Variants in OASL observed in about 807,000 individuals in gnomAD.
OASL encodes 2'-5'-oligoadenylate synthase-like protein.
A neutral mutation model predicts 35.3 loss-of-function variants in OASL; 28 were observed. That is an observed-to-expected ratio of 0.79 (90% CI 0.59 to 1.09). OASL has a LOEUF of 1.09. Among genes scored for constraint, OASL ranks in the 50% least tolerant of loss-of-function variants. The pLI is 0.00. For synonymous variants in OASL, 252 were observed against 254.6 expected (o/e 0.99, Z 0.10); for missense variants, 620 against 635.2 (o/e 0.98, Z 0.26).
At chr12:121,036,416 G>A (rs2135917741) in intron 1 of OASL, among the ~76,000 whole-genome samples, 1 of 152,294 alleles carries the variant, frequency 6.6e-6, no homozygotes, top group Middle Eastern at 3.4e-3. Context: ...ACCATTTAGT[G>A]GTTTCAAGAG....
At chr12:121,033,968 C>G (rs1217325749) in intron 1 of OASL, among the ~76,000 whole-genome samples, 1 of 152,118 alleles carries the variant, frequency 6.6e-6, no homozygotes, top group African/African-American at 2.4e-5. Context: ...CTTGACACTT[C>G]CCTGTTTCTT....
At chr12:121,034,115 G>A (rs1869859158) in intron 1 of OASL, among the ~76,000 whole-genome samples, 1 of 151,986 alleles carries the variant, frequency 6.6e-6, no homozygotes, top group South Asian at 2.1e-4. Context: ...TGGCACACAG[G>A]AAGTCAGCAA....
In OASL at chr12:121,027,670, C is replaced by A. The variant is rs1335473681; in HGVS notation, c.805G>T (p.Glu269Ter). The A allele has an allele frequency of 1.9e-6, 3 of 1,614,156 alleles. No homozygotes were observed. In the South Asian group the frequency reaches 3.3e-5, roughly 18 times the overall value. ...CAGTAGATACAGATGACTTCATACTCCAGGAGCAGGTCCATCACAGTGGTG... is the reference window on the plus strand; with the variant it reads ...CAGTAGATACAGATGACTTCATACTACAGGAGCAGGTCCATCACAGTGGTG... Residue 269 changes from glutamate (E) to a stop codon, truncating the protein, a stop_gained, in exon 4 of 6, where the codon GAG becomes TAG. Coordinates refer to ENST00000257570, the Ensembl canonical transcript of OASL. LOFTEE classifies it high-confidence loss of function.
intron 5 of OASL, among the ~76,000 whole-genome samples, chr12:121,022,023 C>T (rs772295015): frequency 4.6e-5 from 7 of 151,974 alleles, no homozygotes; most frequent in Non-Finnish European, 1.0e-4. Context: ...GATCCTCCCG[C>T]CTCAGTTTCC....
chr12:121,021,160 G>T, intron 5 of OASL, 102 bp from the exon 6 acceptor site: 1 of 1,211,356 alleles, frequency 8.3e-7, no homozygotes, highest in Non-Finnish European at 1.1e-6. Flanking sequence ...AGTAGCAGCA[G>T]CAGCGGCAGC....
intron 3 of OASL, 120 bp from the exon 4 acceptor site, chr12:121,027,937 G>T: frequency 2.5e-6 from 2 of 802,292 alleles, no homozygotes; most frequent in Non-Finnish European, 4.0e-6. Flanking sequence ...TACTGGCTGT[G>T]TGACCTTGGC....
intron 2 of OASL, among the ~76,000 whole-genome samples, chr12:121,031,919 G>T (rs1565906504): frequency 2.0e-5 from 3 of 152,102 alleles, no homozygotes; most frequent in Non-Finnish European, 4.4e-5. Flanking sequence ...GGCCGGGTGT[G>T]GTGGCTTAAG....
intron 4 of OASL, among the ~76,000 whole-genome samples, chr12:121,024,915 T>A (rs1200893504): frequency 2.0e-5 from 3 of 151,952 alleles, no homozygotes; most frequent in Non-Finnish European, 4.4e-5. Flanking sequence ...GTAGGGACTG[T>A]TATTTTTATT....
At chr12:121,037,540 C>T (rs192334294) in intron 1 of OASL, among the ~76,000 whole-genome samples, 175 of 152,056 alleles carry the variant, frequency 1.2e-3, no homozygotes, top group African/African-American at 3.8e-3. Context: ...TTTGGGAGGC[C>T]GAGGAGGGCA....
intron 4 of OASL, among the ~76,000 whole-genome samples, chr12:121,024,425 T>G (rs1869393900): frequency 6.6e-6 from 1 of 152,138 alleles, no homozygotes; most frequent in African/African-American, 2.4e-5. Flanking sequence ...AAGACCAGCC[T>G]GGCCAACGTG....
chr12:121,017,956 C>T (rs559042556), downstream of OASL, among the ~76,000 whole-genome samples: 35 of 152,276 alleles, frequency 2.3e-4, no homozygotes, highest in South Asian at 5.6e-3. Context: ...TGTGGAGACA[C>T]CCACTGTTAG....
At chr12:121,020,689 G>C (rs752164428) in exon 6 of OASL, 1 of 1,614,202 alleles carries the variant, frequency 6.2e-7, no homozygotes, top group South Asian at 1.1e-5. Context: ...AGCTGCTGCT[G>C]CTTTTTAGGA....
intron 3 of OASL, among the ~76,000 whole-genome samples, chr12:121,030,873 T>A (rs1869698056): frequency 6.6e-6 from 1 of 152,086 alleles, no homozygotes; most frequent in African/African-American, 2.4e-5. Flanking sequence ...TGGTGGCTCG[T>A]GCCTGTAATC....
chr12:121,027,567 G>T lies in OASL; in HGVS notation c.899+9C>A, dbSNP rs752724214. Reference sequence around the variant, plus strand: ...TGTAAGATTTGGTGGGCAAACAGTGGTCCAGTACCTCTCTTTTTTGAGCTG... The same window carrying T: ...TGTAAGATTTGGTGGGCAAACAGTGTTCCAGTACCTCTCTTTTTTGAGCTG... On this transcript the variant is annotated intron_variant, in intron 4 of 5. Transcript: ENST00000257570. 1 of 1,613,936 alleles carries T rather than the reference G, an allele frequency of 6.2e-7. No individual in the cohort carries two copies. The highest frequency in any genetic ancestry group is 8.5e-7 in the Non-Finnish European group (1 of 1,179,892).
intron 2 of OASL, among the ~76,000 whole-genome samples, chr12:121,032,553 G>A (rs150522072): frequency 5.7e-4 from 87 of 152,242 alleles, no homozygotes; most frequent in African/African-American, 1.7e-3. Context: ...GAAGAGGTTC[G>A]CTCCATAATG....
intron 1 of OASL, among the ~76,000 whole-genome samples, chr12:121,036,334 G>T (rs1869957459): frequency 6.6e-6 from 1 of 152,218 alleles, no homozygotes; most frequent in South Asian, 2.1e-4. Context: ...TTCAGAGGGT[G>T]GGGAACGGGA....
chr12:121,030,952 G>C (rs1869703557), intron 3 of OASL, among the ~76,000 whole-genome samples: 1 of 151,860 alleles, frequency 6.6e-6, no homozygotes, highest in African/African-American at 2.4e-5. Context: ...GGTCAACATA[G>C]TGAGACCCTG....
At chr12:121,018,035 T>A (rs577292011), downstream of OASL, among the ~76,000 whole-genome samples, 5 of 152,376 alleles carry the variant, frequency 3.3e-5, 1 homozygote, top group African/African-American at 1.2e-4. Flanking sequence ...AGATAATTTT[T>A]GTGACAGGCA....
At chr12:121,020,233 A>C (rs1024283514) in exon 6 of OASL, 1 of 228,462 alleles carries the variant, frequency 4.4e-6, no homozygotes, top group Non-Finnish European at 8.7e-6. Flanking sequence ...TCCTGGGCTC[A>C]AGTGATTCTT....
Sources: allele counts gnomAD v4.1 joint callset (sites outside exome capture counted in the v4.1 genomes callset), GRCh38; gene constraint gnomAD v4.1.1; transcripts MANE v1.5; gene names NCBI Gene and HGNC (gene_info 2026-07-23, HGNC 2026-07-21).